TTC16: variants seen among roughly 807,000 people sequenced by gnomAD.
TTC16 encodes the protein tetratricopeptide repeat domain 16, also known as tetratricopeptide repeat protein 16.
A neutral mutation model predicts 80.4 loss-of-function variants in TTC16; 66 were observed. The ratio of observed to expected loss-of-function variants is 0.82; its 90% CI spans 0.67 to 1.01. The LOEUF (loss-of-function observed/expected upper bound fraction) is 1.01. TTC16 is among the 50% of genes least tolerant of loss of function. TTC16 has a pLI of 0.00. For missense variants in TTC16, 1,070 were observed against 1,103.2 expected, an observed-to-expected ratio of 0.97 and a Z score of 0.43; for synonymous variants, 438 against 451.3, an observed-to-expected ratio of 0.97 and a Z score of 0.37.
intron 8 of TTC16, 27 bp downstream of exon 8, chr9:127,724,391 G>A (rs758068419): frequency 7.6e-6 from 12 of 1,587,310 alleles, no homozygotes; most frequent in South Asian, 1.1e-5. Context: ...GCACTGGGGA[G>A]GGGGGGTGCG....
At chr9:127,720,806 C>CTCTT (rs1205055988) in intron 6 of TTC16, among the ~76,000 whole-genome samples, 11 of 141,842 alleles carry the variant, frequency 7.8e-5, no homozygotes, top group South Asian at 2.3e-4. Context: ...CCCCCTTCCT[C>CTCTT]CCTCCTTCTT....
rs1368329617 is a variant in TTC16, at chr9:127,730,731, C to G, written c.1948C>G (p.Leu650Val). The G allele has an allele frequency of 6.2e-7, 1 of 1,613,654 alleles. No homozygotes were observed. Among genetic ancestry groups the G allele is most frequent in the Admixed American group, 1.7e-5 (1 of 60,030 alleles). The change falls in exon 14 of 14, where the codon CTG (leucine) becomes GTG (valine). Residue 650 changes from leucine to valine, a missense_variant. By Grantham distance (32) the Leu-to-Val change is conservative. Transcript: ENST00000373289. ...ATAVTFSDSS[L>V]LKTQSSDSGN... ...CGCCGTGACATTCTCTGACTCGTCA[C>G]TGTTGAAGACGCAATCCTCGGACTC...
chr9:127,726,935 C>G (rs1221095092), intron 10 of TTC16, 35 bp from the exon 11 acceptor site: 1 of 1,612,818 alleles, frequency 6.2e-7, no homozygotes, highest in East Asian at 2.2e-5. Flanking sequence ...CTGCTCTGGC[C>G]CTCACCTGGC....
At chr9:127,724,066 G>A (rs1211088373) in intron 7 of TTC16, 54 bp from the exon 8 acceptor site, 2 of 1,492,836 alleles carry the variant, frequency 1.3e-6, no homozygotes, top group South Asian at 2.7e-5. Flanking sequence ...CCAGTCGGTG[G>A]GGGTGCACTG....
intron 1 of TTC16, 147 bp from the exon 2 acceptor site, chr9:127,716,697 G>T: frequency 9.8e-7 from 1 of 1,017,896 alleles, no homozygotes; most frequent in Non-Finnish European, 1.4e-6. Flanking sequence ...GAATGGGGCT[G>T]GGAGCGCCAC....
chr9:127,725,178 G>A (rs1843833642), intron 9 of TTC16, among the ~76,000 whole-genome samples: 1 of 152,206 alleles, frequency 6.6e-6, no homozygotes, highest in Non-Finnish European at 1.5e-5. Context: ...GGAGGCTGAG[G>A]CACGGGAATC....
rs761304732 is a variant in TTC16 at position 127,716,110 on chromosome 9, T to C, written c.-36T>C. 1.2e-6 allele frequency: 2 copies of C among 1,613,732 alleles called. No individual in the cohort carries two copies. Among genetic ancestry groups the C allele is most frequent in the Middle Eastern group, 1.6e-4 (1 of 6,084 alleles). On this transcript the variant is annotated 5_prime_UTR_variant, in exon 1 of 14. Coordinates refer to ENST00000373289, the MANE Select transcript of TTC16 (RefSeq NM_144965.3). The stretch of plus-strand genomic sequence containing the variant: ...GTCAGGGCCAGGGCCGCGAGGTAGT[T>C]GGCAGAGGCCTCGGGGTCCTCCTGG...
intron 7 of TTC16, among the ~76,000 whole-genome samples, chr9:127,723,897 T>C: frequency 9.3e-6 from 1 of 107,510 alleles, no homozygotes; most frequent in Non-Finnish European, 1.9e-5. Context: ...AAAAAGAAGG[T>C]ATTTTTGCAA....
At chr9:127,716,792 G>T (rs1472687025) in intron 1 of TTC16, 52 bp from the exon 2 acceptor site, 5 of 1,567,368 alleles carry the variant, frequency 3.2e-6, no homozygotes, top group Non-Finnish European at 4.3e-6. Flanking sequence ...GTGTGTCAGT[G>T]GGTGGGGGTC....
chr9:127,717,736 G>C lies in TTC16; in HGVS notation c.390G>C (p.Lys130Asn), dbSNP rs762649456. The C allele has an allele frequency of 2.8e-5, 45 of 1,613,746 alleles. No homozygotes were observed. In the South Asian group the frequency reaches 4.2e-4, roughly 15 times the overall value. ...RAYSLQQDNCKHLERLTFVLY... is the reference protein window; with the variant it reads ...RAYSLQQDNCNHLERLTFVLY... ...ACTCATTACAGCAGGACAACTGCAA[G>C]CACCTGGAGCGCCTCACCTTTGTGC... The change falls in exon 4 of 14, where the codon AAG becomes AAC. Residue 130 changes from lysine to asparagine, a missense_variant. Transcript: ENST00000373289.
intron 12 of TTC16, 122 bp downstream of exon 12, chr9:127,727,587 C>T: frequency 6.9e-7 from 1 of 1,441,624 alleles, no homozygotes. Flanking sequence ...TGCACTCCCT[C>T]AGCTGTGTGA....
intron 1 of TTC16, 95 bp from the exon 2 acceptor site, chr9:127,716,749 C>G (rs936314680): frequency 3.4e-6 from 5 of 1,464,028 alleles, no homozygotes; most frequent in Middle Eastern, 2.6e-4. Context: ...GCCTCATTTC[C>G]GCCTCTCCTC....
intron 13 of TTC16, chr9:127,729,870 A>G (rs1443172143): frequency 3.4e-6 from 2 of 581,098 alleles, no homozygotes; most frequent in Non-Finnish European, 6.2e-6. Context: ...CAGGCACTTC[A>G]TGGTAGCTGC....
chr9:127,724,912 G>T lies in TTC16; in HGVS notation c.1259+15G>T. 2.7e-6 allele frequency: 4 copies of T among 1,495,612 alleles called. No homozygotes were observed. The highest frequency in any genetic ancestry group is 3.6e-6 in the Non-Finnish European group (4 of 1,126,632). The allele number at this position is 1,495,612 out of a possible 1,614,324, so 92.6% of individuals were successfully genotyped here. A position where few individuals can be genotyped will look rare whatever the true frequency, so the allele number is the denominator to read the frequency against. On this transcript the variant is annotated intron_variant, in intron 9 of 13. Transcript: ENST00000373289. Reference sequence around the variant, plus strand: ...CAGAGGCGCAAGTGCGTGGGCTCCCGCCCCCACGGTGGGCGGGGCAGGCCC... The same window carrying T: ...CAGAGGCGCAAGTGCGTGGGCTCCCTCCCCCACGGTGGGCGGGGCAGGCCC...
rs1843154700 is a variant in TTC16, at chr9:127,717,642, C to A, written c.296C>A (p.Ala99Asp). Residue 99 changes from alanine (A) to aspartate (D), a missense_variant, in exon 4 of 14, where the codon GCC (alanine) becomes GAC (aspartate). Coordinates refer to ENST00000373289, the MANE Select transcript of TTC16 (RefSeq NM_144965.3). ...HLDPQLVDFYALRAEAYLQLC... is the reference protein window; with the variant it reads ...HLDPQLVDFYDLRAEAYLQLC... ...CCTCACCCTCAGGTGGACTTCTATGCCTTACGGGCTGAGGCCTACCTCCAG... is the reference window on the plus strand; with the variant it reads ...CCTCACCCTCAGGTGGACTTCTATGACTTACGGGCTGAGGCCTACCTCCAG... 1.9e-6 allele frequency: 3 copies of A among 1,613,936 alleles called. No homozygotes were observed. Among genetic ancestry groups the A allele is most frequent in the Middle Eastern group, 3.3e-4 (2 of 6,062 alleles).
At chr9:127,723,860 T>C (rs773334595) in intron 7 of TTC16, among the ~76,000 whole-genome samples, 2 of 150,876 alleles carry the variant, frequency 1.3e-5, no homozygotes, top group African/African-American at 2.4e-5. Context: ...TGCTTTAATG[T>C]AGAGACTGGC....
rs574799983 is a variant in TTC16 at position 127,726,279 on chromosome 9, C to T, written c.1300C>T (p.Arg434Trp). ...KAENHFSTAI[R>W]HNPQKAQYYL... ...AGAGAACCACTTCTCCACGGCCATC[C>T]GGCACAACCCCCAGAAGGCCCAGTA... The change falls in exon 10 of 14, where the codon CGG (arginine) becomes TGG (tryptophan). Residue 434 changes from arginine to tryptophan, a missense_variant. Arg to Trp is a moderately radical substitution (Grantham distance 101, BLOSUM62 -3). Transcript: ENST00000373289. The T allele has an allele frequency of 2.8e-4, 453 of 1,605,400 alleles. 1 individual carries two copies. In the South Asian group the frequency reaches 4.6e-3, roughly 16 times the overall value.
chr9:127,719,833 T>C (rs1464861918), intron 4 of TTC16, among the ~76,000 whole-genome samples: 1 of 152,216 alleles, frequency 6.6e-6, no homozygotes. Flanking sequence ...TCTTTGTTCC[T>C]GAATCTCTGT....
intron 13 of TTC16, chr9:127,730,067 G>A (rs1328699480): frequency 4.3e-6 from 1 of 231,794 alleles, no homozygotes; most frequent in Non-Finnish European, 8.6e-6. Context: ...GAGGCGAGTG[G>A]CAGGGCCCAG....
Sources: allele counts gnomAD v4.1 joint callset (sites outside exome capture counted in the v4.1 genomes callset), GRCh38; gene constraint gnomAD v4.1.1; transcripts MANE v1.5; gene names NCBI Gene and HGNC (gene_info 2026-07-23, HGNC 2026-07-21).